The following ZFHX3 variants were observed in gnomAD, a reference collection of about 807,000 sequenced individuals.
ZFHX3 encodes the protein zinc finger homeobox protein 3.
A neutral mutation model predicts 279.1 loss-of-function variants in ZFHX3; 42 were observed. That is an observed-to-expected ratio of 0.15 (90% CI 0.12 to 0.19). ZFHX3 has a LOEUF of 0.19. Ranked by LOEUF, ZFHX3 falls within the 10% of genes least tolerant of loss-of-function variation. The pLI, the probability that ZFHX3 is intolerant of heterozygous loss-of-function variation, is 1.00. For missense variants in ZFHX3, 4,981 were observed against 4,754.0 expected (o/e 1.05, Z -1.40); for synonymous variants, 2,293 against 1,957.8 (o/e 1.17, Z -4.52).
intron 3 of ZFHX3, among the ~76,000 whole-genome samples, chr16:73,363,635 TG>T (rs1174234493): frequency 2.6e-5 from 4 of 152,132 alleles, no homozygotes; most frequent in Non-Finnish European, 5.9e-5. Context: ...AATTAAACTA[TG>T]TCTTAATTAT....
chr16:73,146,397 C>T (rs1966863281), intron 5 of ZFHX3, among the ~76,000 whole-genome samples: 1 of 151,414 alleles, frequency 6.6e-6, no homozygotes, highest in Admixed American at 6.6e-5. Context: ...CACTGCACTC[C>T]AGCCTGGTGA....
intron 3 of ZFHX3, among the ~76,000 whole-genome samples, chr16:73,383,299 A>G (rs576599831): frequency 6.6e-6 from 1 of 152,212 alleles, no homozygotes; most frequent in Non-Finnish European, 1.5e-5. Flanking sequence ...CTGGAGTGAC[A>G]GGCAGCACAA....
At chr16:73,305,983 T>C (rs2015171690) in intron 4 of ZFHX3, among the ~76,000 whole-genome samples, 1 of 152,176 alleles carries the variant, frequency 6.6e-6, no homozygotes, top group African/African-American at 2.4e-5. Flanking sequence ...AGGAATTACC[T>C]GGGGATCTTC....
intron 1 of ZFHX3, among the ~76,000 whole-genome samples, chr16:73,839,124 T>C (rs1358652738): frequency 6.6e-6 from 1 of 151,414 alleles, no homozygotes; most frequent in South Asian, 2.1e-4. Flanking sequence ...GGCCTGGTTG[T>C]ACGAAAGCAG....
chr16:73,236,400 C>A (rs1018502132), intron 5 of ZFHX3, among the ~76,000 whole-genome samples: 2 of 152,152 alleles, frequency 1.3e-5, no homozygotes. Flanking sequence ...GAGTTGGAGA[C>A]CAGCCTGGCC....
chr16:73,570,949 CAAA>C (rs71156173), intron 2 of ZFHX3, among the ~76,000 whole-genome samples: 1 of 142,056 alleles, frequency 7.0e-6, no homozygotes, highest in African/African-American at 2.6e-5. Context: ...CTTTTCTTCT[CAAA>C]AAAAAAAAAA....
intron 5 of ZFHX3, among the ~76,000 whole-genome samples, chr16:73,201,085 T>A (rs1320807499): frequency 6.6e-6 from 1 of 152,228 alleles, no homozygotes; most frequent in African/African-American, 2.4e-5. Context: ...TGGCTCTAGG[T>A]TGATCCAAGC....
chr16:73,296,877 ATTTTTTT>A (rs201366558), intron 4 of ZFHX3, among the ~76,000 whole-genome samples: 6 of 116,086 alleles, frequency 5.2e-5, no homozygotes, highest in Non-Finnish European at 7.0e-5. Context: ...TGAAGCAGGA[ATTTTTTT>A]TTTTTTTTTT....
At chr16:72,799,127 T>C (rs1271010314) in intron 8 of ZFHX3, among the ~76,000 whole-genome samples, 2 of 152,262 alleles carry the variant, frequency 1.3e-5, no homozygotes, top group African/African-American at 4.8e-5. Flanking sequence ...TTTAGCACAG[T>C]AGATCTGAAG....
intron 1 of ZFHX3, among the ~76,000 whole-genome samples, chr16:73,814,514 T>A (rs960186996): frequency 6.6e-6 from 1 of 152,142 alleles, no homozygotes; most frequent in African/African-American, 2.4e-5. Context: ...AATTTTAAAA[T>A]ACGTGATAGT....
chr16:73,046,120 C>CTCT (rs2144715053), intron 1 of ZFHX3, among the ~76,000 whole-genome samples: 1 of 152,324 alleles, frequency 6.6e-6, no homozygotes, highest in East Asian at 1.9e-4. Flanking sequence ...GCTACACACT[C>CTCT]TCTGAAAGGG....
rs1033156427 is a variant in ZFHX3 at position 73,686,336 on chromosome 16, C to T, written c.-1607-6096G>A. Among the ~76,000 whole-genome samples the T allele has an allele frequency of 1.4e-4, 21 of 152,254 alleles. 1 individual carries two copies. Among genetic ancestry groups the T allele is most frequent in the Admixed American group, 1.3e-3 (20 of 15,304 alleles). Reference sequence around the variant, plus strand: ...GTCTTGAATTCCAGACCTCGTGATCCACCCACCTCGGCCTCCCAAAGTGCT... The same window carrying T: ...GTCTTGAATTCCAGACCTCGTGATCTACCCACCTCGGCCTCCCAAAGTGCT... On this transcript the variant is annotated intron_variant, in intron 1 of 17. Transcript: ENST00000641206.
intron 5 of ZFHX3, among the ~76,000 whole-genome samples, chr16:73,170,731 G>A (rs562063219): frequency 2.6e-5 from 4 of 152,304 alleles, no homozygotes; most frequent in African/African-American, 7.2e-5. Context: ...CAAAGGAAAA[G>A]AATGACCTCG....
rs1490084187 is a variant in ZFHX3, at chr16:73,482,790, C to T, written c.-1546-26532G>A. Among the ~76,000 whole-genome samples, 7 of 152,286 alleles carry T rather than the reference C, an allele frequency of 4.6e-5. No homozygotes were observed. In the East Asian group the frequency reaches 1.2e-3, roughly 25 times the overall value. Reference sequence around the variant, plus strand: ...TTTTCCTTTGCAATAACCATTAGCTCAGTATTATTTGCAAACCTCTAATGT... The same window carrying T: ...TTTTCCTTTGCAATAACCATTAGCTTAGTATTATTTGCAAACCTCTAATGT... On this transcript the variant is annotated intron_variant, in intron 2 of 17. Coordinates refer to the ZFHX3 transcript ENST00000641206.
At position 73,066,677 on chromosome 16, in the gene ZFHX3, C is replaced by G. The variant is rs182321484; in HGVS notation, c.-532-7665G>C. Among the ~76,000 whole-genome samples, 499 of 152,320 alleles carry G rather than the reference C, an allele frequency of 3.3e-3. 10 individuals carry two copies. The highest frequency in any genetic ancestry group is 4.1e-3 in the East Asian group (21 of 5,168). On this transcript the variant is annotated intron_variant, in intron 8 of 17. Coordinates refer to the ZFHX3 transcript ENST00000641206. ...AGAAAAGCCACGAGGCCCGGGGGAC[C>G]GCCCCAGCAGTGGTCTGGAAAGGAG...
In ZFHX3 at chr16:73,721,991, G is replaced by A. The variant is rs148923341; in HGVS notation, c.-1607-41751C>T. 8.3e-3 allele frequency among the ~76,000 whole-genome samples: 1,266 copies of A among 152,350 alleles called. 9 individuals are homozygous for A. Among genetic ancestry groups the A allele is most frequent in the Middle Eastern group, 0.027 (8 of 294 alleles). On this transcript the variant is annotated intron_variant, in intron 1 of 17. Coordinates refer to the ZFHX3 transcript ENST00000641206. ...GCTCGGAAGGTAGAGGCTGCAGTGA[G>A]CTGTGACTGTGTCTCTGCACTGCAG...
chr16:72,867,137 C>T (rs2038042414), intron 4 of ZFHX3, among the ~76,000 whole-genome samples: 1 of 152,190 alleles, frequency 6.6e-6, no homozygotes, highest in South Asian at 2.1e-4. Flanking sequence ...CAGCATGAGA[C>T]TGTCCAGGCG....
chr16:73,280,830 A>T (rs1375772617), intron 4 of ZFHX3, among the ~76,000 whole-genome samples: 3 of 151,976 alleles, frequency 2.0e-5, no homozygotes, highest in Non-Finnish European at 4.4e-5. Context: ...AAAAATACAA[A>T]AAATGATAGT....
At chr16:73,556,764 A>G (rs1596996662) in intron 2 of ZFHX3, among the ~76,000 whole-genome samples, 1 of 152,072 alleles carries the variant, frequency 6.6e-6, no homozygotes, top group East Asian at 1.9e-4. Context: ...AACATCCTCC[A>G]CTAGAGGATG....
Sources: allele counts gnomAD v4.1 joint callset (sites outside exome capture counted in the v4.1 genomes callset), GRCh38; gene constraint gnomAD v4.1.1; transcripts MANE v1.5; gene names NCBI Gene and HGNC (gene_info 2026-07-23, HGNC 2026-07-21).